The following INPP4B variants were observed in gnomAD, a reference collection of about 807,000 sequenced individuals.
The protein encoded by INPP4B is inositol polyphosphate 4-phosphatase type II.
A neutral mutation model predicts 122.5 loss-of-function variants in INPP4B; 55 were observed. The observed-to-expected ratio is 0.45, with a 90% CI of 0.36 to 0.56. The LOEUF (loss-of-function observed/expected upper bound fraction) is 0.56, where lower values mean the gene tolerates loss of function less well. INPP4B is among the 20% of genes least tolerant of loss of function. The pLI, the probability that INPP4B is intolerant of heterozygous loss-of-function variation, is 0.00. For synonymous variants in INPP4B, 403 were observed against 388.7 expected (o/e 1.04, Z -0.43); for missense variants, 1,000 against 1,097.7 (o/e 0.91, Z 1.26).
At chr4:142,758,379 C>T (rs1179552526) in intron 1 of INPP4B, among the ~76,000 whole-genome samples, 1 of 152,080 alleles carries the variant, frequency 6.6e-6, no homozygotes, top group Non-Finnish European at 1.5e-5. Context: ...GCAAAAGAAT[C>T]TCAGATCAAT....
chr4:142,535,765 T>A (rs1489539251), intron 2 of INPP4B, among the ~76,000 whole-genome samples: 1 of 152,168 alleles, frequency 6.6e-6, no homozygotes. Context: ...TTCTCTTTTT[T>A]TTTCCACTCC....
intron 1 of INPP4B, among the ~76,000 whole-genome samples, chr4:142,753,251 T>C (rs150290921): frequency 9.1e-4 from 138 of 152,252 alleles, no homozygotes; most frequent in African/African-American, 3.2e-3. Context: ...AATGCTTACT[T>C]TTTTCAAGGT....
At chr4:142,177,564 C>G (rs1456341824) in intron 15 of INPP4B, among the ~76,000 whole-genome samples, 1 of 151,890 alleles carries the variant, frequency 6.6e-6, no homozygotes, top group East Asian at 1.9e-4. Flanking sequence ...CTGCAAAGCA[C>G]AGATAATGAA....
chr4:142,494,238 T>C (rs1580205949), intron 2 of INPP4B, among the ~76,000 whole-genome samples: 1 of 152,162 alleles, frequency 6.6e-6, no homozygotes, highest in East Asian at 1.9e-4. Flanking sequence ...AACAGACTAA[T>C]ACATGACTCT....
At chr4:142,463,793 C>T (rs1817201571) in intron 2 of INPP4B, among the ~76,000 whole-genome samples, 1 of 152,096 alleles carries the variant, frequency 6.6e-6, no homozygotes, top group African/African-American at 2.4e-5. Context: ...CTTGCTGCCA[C>T]CATGTGAAGA....
rs114042086 is a variant in INPP4B, at chr4:142,223,755, C to T, written c.836+14109G>A. 5.8e-3 allele frequency among the ~76,000 whole-genome samples: 878 copies of T among 152,232 alleles called. 9 individuals are homozygous for T. The highest frequency in any genetic ancestry group is 0.02 in the African/African-American group (845 of 41,538). On this transcript the variant is annotated intron_variant, in intron 12 of 25. Coordinates refer to ENST00000262992, the MANE Select transcript of INPP4B (RefSeq NM_001101669.3). ...ACATGGTATTCTAATTGTGCATCAA[C>T]ATTGCATAAAGAAGAATGAACAGAA...
At chr4:142,040,654 A>G (rs1043917634) in intron 25 of INPP4B, among the ~76,000 whole-genome samples, 10 of 152,176 alleles carry the variant, frequency 6.6e-5, no homozygotes, top group Non-Finnish European at 1.3e-4. Flanking sequence ...TAGATCTAGA[A>G]CTCGTTTTCT....
At chr4:142,173,876 A>G in intron 15 of INPP4B, 67 bp from the exon 16 acceptor site, 1 of 1,226,340 alleles carries the variant, frequency 8.2e-7, no homozygotes, top group South Asian at 1.2e-5. Flanking sequence ...TTAATATCAG[A>G]TGGCAAATGA....
chr4:142,649,294 A>G (rs1752444125), intron 2 of INPP4B, among the ~76,000 whole-genome samples: 1 of 152,236 alleles, frequency 6.6e-6, no homozygotes, highest in African/African-American at 2.4e-5. Flanking sequence ...GAAAATTCTA[A>G]AAACCAGAGT....
intron 10 of INPP4B, among the ~76,000 whole-genome samples, chr4:142,269,964 T>C (rs906173859): frequency 1.3e-5 from 2 of 152,166 alleles, no homozygotes; most frequent in African/African-American, 2.4e-5. Flanking sequence ...GCTTCAATGG[T>C]CTCAATAAAA....
intron 2 of INPP4B, among the ~76,000 whole-genome samples, chr4:142,527,972 G>T (rs1827146856): frequency 6.6e-6 from 1 of 151,962 alleles, no homozygotes; most frequent in Admixed American, 6.6e-5. Flanking sequence ...ATAGAACCAA[G>T]ATGTACTAGT....
chr4:142,774,311 A>G (rs1225441883), intron 1 of INPP4B, among the ~76,000 whole-genome samples: 1 of 152,098 alleles, frequency 6.6e-6, no homozygotes, highest in Non-Finnish European at 1.5e-5. Flanking sequence ...ATTCTTGTAC[A>G]ACTGTTCTTC....
chr4:142,256,633 C>A (rs889214575), intron 11 of INPP4B, among the ~76,000 whole-genome samples: 10 of 152,170 alleles, frequency 6.6e-5, no homozygotes, highest in African/African-American at 2.2e-4. Flanking sequence ...TCAACACATA[C>A]ACTCTCCCAA....
intron 2 of INPP4B, chr4:142,518,894 T>G (rs1825742541): frequency 6.6e-6 from 1 of 152,160 alleles, no homozygotes; most frequent in Non-Finnish European, 1.5e-5. Context: ...CTATGAGAGC[T>G]GCCAAGCTAG....
At chr4:142,260,955 A>C (rs1336866151) in intron 10 of INPP4B, among the ~76,000 whole-genome samples, 2 of 152,216 alleles carry the variant, frequency 1.3e-5, no homozygotes, top group Non-Finnish European at 2.9e-5. Context: ...AGTTTAAGTA[A>C]TTGCAACTTT....
chr4:142,533,530 C>T (rs1299547401), intron 2 of INPP4B, among the ~76,000 whole-genome samples: 2 of 151,926 alleles, frequency 1.3e-5, no homozygotes, highest in Non-Finnish European at 2.9e-5. Context: ...ACCCCAAGAA[C>T]ATAGTAGGAA....
At chr4:142,601,742 C>T (rs71608491) in intron 2 of INPP4B, among the ~76,000 whole-genome samples, 4,821 of 151,556 alleles carry the variant, frequency 0.032, 104 homozygotes, top group Middle Eastern at 0.048. Context: ...GGCTGAGGTG[C>T]GCAGATCATG....
At position 142,493,004 on chromosome 4, in the gene INPP4B, C is replaced by T. The variant is rs376822066; in HGVS notation, c.-190-30278G>A. 3.9e-4 allele frequency among the ~76,000 whole-genome samples: 59 copies of T among 152,318 alleles called. 1 individual carries two copies. In the South Asian group the frequency reaches 0.012, roughly 30 times the overall value. ...CTATGCAGCCTTGGCACATGGTGCC[C>T]TATATCCCAGCTGCTTCAGCTTCAG... On this transcript the variant is annotated intron_variant, in intron 2 of 25. Coordinates refer to ENST00000262992, the MANE Select transcript of INPP4B (RefSeq NM_001101669.3).
chr4:142,741,339 G>C (rs1315546034), intron 1 of INPP4B, among the ~76,000 whole-genome samples: 2 of 151,932 alleles, frequency 1.3e-5, no homozygotes, highest in African/African-American at 2.4e-5. Context: ...AGAGAGACGA[G>C]GAGGAGCCAG....
Sources: allele counts gnomAD v4.1 joint callset (sites outside exome capture counted in the v4.1 genomes callset), GRCh38; gene constraint gnomAD v4.1.1; transcripts MANE v1.5; gene names NCBI Gene and HGNC (gene_info 2026-07-23, HGNC 2026-07-21).